Variants in NRG3 observed in about 807,000 individuals in gnomAD.
The protein encoded by NRG3 is neuregulin 3.
Under a neutral mutation model 66.9 loss-of-function variants are expected in NRG3, and 31 were observed. The observed-to-expected ratio is 0.46, with a 90% CI of 0.35 to 0.63. The LOEUF is 0.63. NRG3 is among the 20% of genes least tolerant of loss of function. NRG3 has a pLI of 0.00. For missense variants in NRG3, 910 were observed against 878.9 expected, an observed-to-expected ratio of 1.04 and a Z score of -0.45; for synonymous variants, 393 against 359.4, an observed-to-expected ratio of 1.09 and a Z score of -1.06.
chr10:82,442,140 T>A (rs2136452927), intron 2 of NRG3, among the ~76,000 whole-genome samples: 1 of 152,306 alleles, frequency 6.6e-6, no homozygotes, highest in Non-Finnish European at 1.5e-5. Context: ...TAATGATTGA[T>A]GCATGTGAAT....
At chr10:82,669,724 C>G (rs1184875887) in intron 2 of NRG3, among the ~76,000 whole-genome samples, 1 of 152,014 alleles carries the variant, frequency 6.6e-6, no homozygotes, top group Non-Finnish European at 1.5e-5. Flanking sequence ...GTCAGGAGAT[C>G]GAGAGCATCC....
chr10:82,155,411 A>G (rs1564616629), intron 1 of NRG3, among the ~76,000 whole-genome samples: 1 of 151,792 alleles, frequency 6.6e-6, no homozygotes, highest in Non-Finnish European at 1.5e-5. Flanking sequence ...TGGTTATTGT[A>G]TTAATGGGAT....
intron 2 of NRG3, among the ~76,000 whole-genome samples, chr10:82,422,902 A>G (rs946770633): frequency 7.2e-5 from 11 of 152,144 alleles, no homozygotes; most frequent in African/African-American, 2.6e-4. Context: ...GAGTATATGC[A>G]TTATATAAAT....
intron 2 of NRG3, among the ~76,000 whole-genome samples, chr10:82,442,400 G>A (rs1002982385): frequency 3.3e-5 from 5 of 152,150 alleles, no homozygotes; most frequent in Non-Finnish European, 7.4e-5. Flanking sequence ...GGTTAAAGAC[G>A]CATTCACAGA....
chr10:82,479,502 A>G (rs1378331719), intron 2 of NRG3, among the ~76,000 whole-genome samples: 8 of 19,894 alleles, frequency 4.0e-4, no homozygotes, highest in Admixed American at 3.1e-3. Context: ...AGTTGGAGGG[A>G]AAAAAAAAAA....
At chr10:82,556,065 A>C (rs984136743) in intron 2 of NRG3, among the ~76,000 whole-genome samples, 1 of 152,036 alleles carries the variant, frequency 6.6e-6, no homozygotes, top group African/African-American at 2.4e-5. Context: ...TCATCTTCTC[A>C]CCTCACAGCT....
At chr10:82,580,125 C>T (rs772436347) in intron 2 of NRG3, among the ~76,000 whole-genome samples, 7 of 151,840 alleles carry the variant, frequency 4.6e-5, no homozygotes, top group Non-Finnish European at 8.8e-5. Context: ...AGTTGTTATA[C>T]TTCATTATTT....
intron 1 of NRG3, among the ~76,000 whole-genome samples, chr10:82,126,067 G>C (rs1290877811): frequency 6.6e-6 from 1 of 151,970 alleles, no homozygotes; most frequent in Non-Finnish European, 1.5e-5. Context: ...ATTATTCCAG[G>C]ACTATCGCCA....
At chr10:82,079,749 A>G (rs1171099492) in intron 1 of NRG3, among the ~76,000 whole-genome samples, 1 of 152,022 alleles carries the variant, frequency 6.6e-6, no homozygotes, top group Non-Finnish European at 1.5e-5. Context: ...GGCTTCTTTC[A>G]CTTAGCAATA....
At chr10:82,089,632 AT>A (rs2065917367) in intron 1 of NRG3, among the ~76,000 whole-genome samples, 1 of 152,204 alleles carries the variant, frequency 6.6e-6, no homozygotes, top group Admixed American at 6.5e-5. Flanking sequence ...TAGTTCTCTA[AT>A]AAACGAGTTG....
chr10:82,040,653 T>C (rs2062991957), intron 1 of NRG3, among the ~76,000 whole-genome samples: 1 of 151,666 alleles, frequency 6.6e-6, no homozygotes, highest in South Asian at 2.1e-4. Flanking sequence ...CAGAGATGCA[T>C]GGAGAAGATA....
chr10:82,465,195 T>C (rs531671524), intron 2 of NRG3, among the ~76,000 whole-genome samples: 1 of 152,352 alleles, frequency 6.6e-6, no homozygotes, highest in East Asian at 1.9e-4. Flanking sequence ...ACAGCCATGC[T>C]AGGATCTTAA....
intron 3 of NRG3, among the ~76,000 whole-genome samples, chr10:82,768,818 G>A (rs1228347471): frequency 1.3e-5 from 2 of 152,052 alleles, no homozygotes; most frequent in African/African-American, 4.8e-5. Context: ...GAAAATCCAT[G>A]TCACAGTCTA....
intron 1 of NRG3, among the ~76,000 whole-genome samples, chr10:82,176,789 C>T (rs1468988832): frequency 6.6e-6 from 1 of 151,962 alleles, no homozygotes; most frequent in Non-Finnish European, 1.5e-5. Context: ...GGCACTGCTA[C>T]TGACCTGGAT....
At chr10:82,683,668 C>A (rs2054285918) in intron 2 of NRG3, among the ~76,000 whole-genome samples, 1 of 152,128 alleles carries the variant, frequency 6.6e-6, no homozygotes, top group Admixed American at 6.6e-5. Flanking sequence ...TTCCACTTAC[C>A]TTATAGTGAT....
intron 1 of NRG3, among the ~76,000 whole-genome samples, chr10:82,005,924 A>T (rs1471290332): frequency 1.6e-5 from 1 of 61,094 alleles, no homozygotes; most frequent in Non-Finnish European, 3.7e-5. Context: ...TGTGTGTGTG[A>T]ATCACCTTTC....
At chr10:82,518,710 C>T (rs369803048) in intron 2 of NRG3, among the ~76,000 whole-genome samples, 119 of 152,074 alleles carry the variant, frequency 7.8e-4, no homozygotes, top group Non-Finnish European at 1.4e-3. Flanking sequence ...GGTGACAGGG[C>T]CATTAAGGTC....
At chr10:82,531,457 T>C (rs1017491298) in intron 2 of NRG3, among the ~76,000 whole-genome samples, 1 of 151,856 alleles carries the variant, frequency 6.6e-6, no homozygotes, top group African/African-American at 2.4e-5. Context: ...ATATATATTG[T>C]TTATATATTT....
At chr10:82,813,930 G>A (rs1204499605) in intron 3 of NRG3, among the ~76,000 whole-genome samples, 1 of 152,242 alleles carries the variant, frequency 6.6e-6, no homozygotes, top group African/African-American at 2.4e-5. Flanking sequence ...GGAAACAGCA[G>A]CTGGCCTGGC....
Sources: allele counts gnomAD v4.1 joint callset (sites outside exome capture counted in the v4.1 genomes callset), GRCh38; gene constraint gnomAD v4.1.1; transcripts MANE v1.5; gene names NCBI Gene and HGNC (gene_info 2026-07-23, HGNC 2026-07-21).